Variants in JMJD7 observed in about 807,000 individuals in gnomAD.
JMJD7 encodes the protein bifunctional peptidase and (3S)-lysyl hydroxylase JMJD7.
JMJD7 carries 41 observed loss-of-function variants against 41.1 expected under a neutral mutation model. The observed-to-expected ratio is 1.00, with a 90% CI of 0.78 to 1.30. The LOEUF is 1.30. JMJD7 is among the 50% of genes most tolerant of loss of function. The probability of loss-of-function intolerance (pLI) is 0.00; values close to 1 mark genes in which losing one functional copy is unlikely to be tolerated. For synonymous variants in JMJD7, 202 were observed against 177.2 expected, an observed-to-expected ratio of 1.14 and a Z score of -1.11; for missense variants, 480 against 420.7, an observed-to-expected ratio of 1.14 and a Z score of -1.23.
Position 41,836,456 on chromosome 15 carries a change from C to A in JMJD7, c.626-19C>A. 1 of 1,569,154 alleles carries A rather than the reference C, an allele frequency of 6.4e-7. No homozygotes were observed. The highest frequency in any genetic ancestry group is 1.7e-4 in the Middle Eastern group (1 of 6,004). On this transcript the variant is annotated intron_variant, in intron 5 of 7. Coordinates refer to ENST00000397299, the MANE Select transcript of JMJD7 (RefSeq NM_001114632.2). ...AGGCTGTTTGCAATTCCCCCACACC[C>A]TTCTCCCTTGGGCTCCAGAGCTGTA... is the stretch of plus-strand genomic sequence containing the variant.
chr15:41,830,839 TG>T (rs1049490754), intron 1 of JMJD7, among the ~76,000 whole-genome samples: 20 of 152,346 alleles, frequency 1.3e-4, no homozygotes, highest in African/African-American at 4.8e-4. Context: ...TGGCCCCCTC[TG>T]GCCTTTGGGT....
intron 1 of JMJD7, 125 bp from the exon 2 acceptor site, chr15:41,834,615 C>CT: frequency 7.0e-7 from 1 of 1,422,764 alleles, no homozygotes; most frequent in Non-Finnish European, 9.5e-7. Context: ...GTCCAGGGTC[C>CT]TTTGGTCACC....
chr15:41,837,497 G>T lies in JMJD7; in HGVS notation c.*341G>T. ...GAGATAATAATGGCTGTACCTCGCG[G>T]GGCTGTTGTGGGCTTGGAGATGATG... is the stretch of plus-strand genomic sequence containing the variant. On this transcript the variant is annotated 3_prime_UTR_variant, in exon 8 of 8. Transcript: ENST00000397299. 1 of 319,854 alleles carries T rather than the reference G, an allele frequency of 3.1e-6. No individual in the cohort carries two copies. Among genetic ancestry groups the T allele is most frequent in the Non-Finnish European group, 5.8e-6 (1 of 173,312 alleles). The allele number at this position is 319,854 out of a possible 1,614,324, so 19.8% of individuals were successfully genotyped here.
intron 1 of JMJD7, among the ~76,000 whole-genome samples, chr15:41,833,995 C>CT (rs2140878553): frequency 6.6e-6 from 1 of 152,170 alleles, no homozygotes; most frequent in East Asian, 1.9e-4. Context: ...AAGGAGAAAG[C>CT]TGAGTCAAAA....
intron 1 of JMJD7, among the ~76,000 whole-genome samples, chr15:41,829,768 A>G (rs975413236): frequency 1.1e-4 from 16 of 152,202 alleles, no homozygotes; most frequent in African/African-American, 3.9e-4. Context: ...GGCAGTTTCC[A>G]TGTATTTTCA....
At chr15:41,828,277 T>C (rs1464955796) in intron 1 of JMJD7, 89 bp downstream of exon 1, 1 of 1,407,978 alleles carries the variant, frequency 7.1e-7, no homozygotes, top group Non-Finnish European at 9.3e-7. Context: ...GAACCTCGTG[T>C]GTGCGACTGC....
At chr15:41,836,339 G>A (rs1232296433) in intron 5 of JMJD7, 96 bp downstream of exon 5, 1 of 1,569,554 alleles carries the variant, frequency 6.4e-7, no homozygotes, top group East Asian at 2.3e-5. Context: ...CAGGCCTGAG[G>A]TGTGGCTGTG....
At chr15:41,834,681 C>G in intron 1 of JMJD7, 59 bp from the exon 2 acceptor site, 2 of 1,583,528 alleles carry the variant, frequency 1.3e-6, no homozygotes, top group East Asian at 2.2e-5. Flanking sequence ...ATCTCTTGGG[C>G]AGGGACTGGG....
intron 5 of JMJD7, 38 bp from the exon 6 acceptor site, chr15:41,836,437 T>A (rs751609283): frequency 6.4e-7 from 1 of 1,561,162 alleles, no homozygotes. Flanking sequence ...TTCCAGGCTG[T>A]TTGCAATTCC....
At position 41,828,174 on chromosome 15, in the gene JMJD7, C is replaced by A; in HGVS notation, c.50C>A (p.Pro17Gln). ...EAVRSELREFPAAARELCVPL... is the reference protein window; with the variant it reads ...EAVRSELREFQAAARELCVPL... ...GTGCGGAGCGAGTTACGAGAATTCC[C>A]GGCCGCTGCAAGGGGTGAGTGGCTC... The change falls in exon 1 of 8, where the codon CCG becomes CAG. Residue 17 changes from proline (P) to glutamine (Q), a missense_variant. Coordinates refer to ENST00000397299, the MANE Select transcript of JMJD7 (RefSeq NM_001114632.2). 1 of 1,493,842 alleles carries A rather than the reference C, an allele frequency of 6.7e-7. No homozygotes were observed. Among genetic ancestry groups the A allele is most frequent in the Non-Finnish European group, 8.8e-7 (1 of 1,130,420 alleles). 92.5% of individuals were successfully genotyped at this position (1,493,842 alleles called of 1,614,324 possible).
chr15:41,829,548 C>T (rs931572810), intron 1 of JMJD7, among the ~76,000 whole-genome samples: 2 of 152,164 alleles, frequency 1.3e-5, no homozygotes, highest in Non-Finnish European at 2.9e-5. Context: ...CTCAGCATTC[C>T]AAAGTTTTGG....
rs767355675 is a variant in JMJD7 at position 41,835,602 on chromosome 15, G to A, written c.487G>A (p.Ala163Thr). ...ASEALGKMPD[A>T]VNFWLGEAAA... is the part of the protein sequence containing the mutation. ...CTGCCCTGCAGGAAAGATGCCCGAT[G>A]CTGTGAACTTCTGGCTGGGGGAGGC... The change falls in exon 4 of 8, where the codon GCT becomes ACT. Residue 163 changes from alanine to threonine, a missense_variant. By Grantham distance (58) the Ala-to-Thr change is moderately conservative. Transcript: ENST00000397299. The A allele has an allele frequency of 3.1e-6, 5 of 1,613,942 alleles. No individual in the cohort carries two copies. The highest frequency in any genetic ancestry group is 3.3e-5 in the Admixed American group (2 of 59,982).
Position 41,834,732 on chromosome 15 carries a change from T to C in JMJD7, c.65-8T>C. 1 of 1,613,360 alleles carries C rather than the reference T, an allele frequency of 6.2e-7. No homozygotes were observed. Among genetic ancestry groups the C allele is most frequent in the Non-Finnish European group, 8.5e-7 (1 of 1,179,624 alleles). ...CCCTTCCATCCCCTGTCTTCTTCTT[T>C]CTCTCAGAGCTCTGCGTGCCTCTTG... On this transcript the variant is annotated splice_region_variant and splice_polypyrimidine_tract_variant and intron_variant, in intron 1 of 7. Transcript: ENST00000397299.
chr15:41,833,414 A>ATATATATATATAT (rs1239528383), intron 1 of JMJD7, among the ~76,000 whole-genome samples: 17 of 32,020 alleles, frequency 5.3e-4, no homozygotes, highest in East Asian at 3.9e-3. Context: ...ATATATATAT[A>ATATATATATATAT]TTTTTTTTTT....
At chr15:41,836,450 C>G (rs749032240) in intron 5 of JMJD7, 25 bp from the exon 6 acceptor site, 17 of 1,565,554 alleles carry the variant, frequency 1.1e-5, no homozygotes, top group Middle Eastern at 1.7e-4. Flanking sequence ...GCAATTCCCC[C>G]ACACCCTTCT....
At chr15:41,829,702 A>G (rs1031583365) in intron 1 of JMJD7, among the ~76,000 whole-genome samples, 33 of 152,198 alleles carry the variant, frequency 2.2e-4, no homozygotes, top group Admixed American at 2.2e-3. Context: ...CTCTAAAGGA[A>G]ATGGTGAGCA....
intron 1 of JMJD7, among the ~76,000 whole-genome samples, chr15:41,832,183 C>T (rs1442571377): frequency 6.6e-6 from 1 of 152,204 alleles, no homozygotes; most frequent in Non-Finnish European, 1.5e-5. Flanking sequence ...GCGCAGTGGC[C>T]AAACCCCACA....
chr15:41,829,673 GGAGAGGAAA>G, intron 1 of JMJD7, among the ~76,000 whole-genome samples: 1 of 152,182 alleles, frequency 6.6e-6, no homozygotes, highest in South Asian at 2.1e-4. Context: ...GGAAGCCCCA[GGAGAGGAAA>G]GCAGCCATTC....
At chr15:41,830,724 C>T (rs2140874130) in intron 1 of JMJD7, among the ~76,000 whole-genome samples, 1 of 152,372 alleles carries the variant, frequency 6.6e-6, no homozygotes, top group Middle Eastern at 3.4e-3. Flanking sequence ...CCTGATCCTG[C>T]TGTCTGGCTT....
Sources: allele counts gnomAD v4.1 joint callset (sites outside exome capture counted in the v4.1 genomes callset), GRCh38; gene constraint gnomAD v4.1.1; transcripts MANE v1.5; gene names NCBI Gene and HGNC (gene_info 2026-07-23, HGNC 2026-07-21).